PYROXD1: variants seen among roughly 807,000 people sequenced by gnomAD.
PYROXD1 encodes tRNA ligase complex-associated NAD(P)H dehydrogenase PYROXD1.
Under a neutral mutation model 62.0 loss-of-function variants are expected in PYROXD1, and 42 were observed. The observed-to-expected ratio is 0.68, with a 90% CI of 0.53 to 0.88. The LOEUF (loss-of-function observed/expected upper bound fraction) is 0.88. PYROXD1 is among the 40% of genes least tolerant of loss of function. PYROXD1 has a pLI of 0.00. For missense variants in PYROXD1, 493 were observed against 604.8 expected (o/e 0.82, Z 1.94); for synonymous variants, 170 against 206.4 (o/e 0.82, Z 1.51).
rs16923799 is a variant in PYROXD1 at position 21,449,238 on chromosome 12, T to A, written c.286-325T>A. Among the ~76,000 whole-genome samples the A allele has an allele frequency of 2.0e-4, 30 of 152,328 alleles. No homozygotes were observed. In the East Asian group the frequency reaches 5.4e-3, roughly 27 times the overall value. On this transcript the variant is annotated intron_variant, in intron 3 of 11. Coordinates refer to ENST00000240651, the MANE Select transcript of PYROXD1 (RefSeq NM_024854.5). ...TTTTGTTTTTAACGTGGGGTCAACATACCTTTTCAACCAACATGGGATTCC... is the reference window on the plus strand; with the variant it reads ...TTTTGTTTTTAACGTGGGGTCAACAAACCTTTTCAACCAACATGGGATTCC...
chr12:21,452,643 G>A (rs1336198892), intron 5 of PYROXD1, among the ~76,000 whole-genome samples: 2 of 151,870 alleles, frequency 1.3e-5, no homozygotes, highest in African/African-American at 4.8e-5. Flanking sequence ...TCTTTTTTTG[G>A]TAGCTTGGGA....
At chr12:21,456,444 G>C (rs1942598732) in intron 7 of PYROXD1, among the ~76,000 whole-genome samples, 1 of 152,150 alleles carries the variant, frequency 6.6e-6, no homozygotes, top group African/African-American at 2.4e-5. Context: ...GTTTCCCAGT[G>C]CCTGCAAAAG....
rs970580611 is a variant in PYROXD1, at chr12:21,446,588, A to G, written c.285+1122A>G. 1.2e-4 allele frequency among the ~76,000 whole-genome samples: 18 copies of G among 151,942 alleles called. No homozygotes were observed. The South Asian group carries it at 3.1e-3, about 26-fold the overall frequency. ...CAAGTGGCTAGTAGCCAACCAAACT[A>G]GAAGGTGGTTATGATAGTCAAAAAT... On this transcript the variant is annotated intron_variant, in intron 3 of 11. Coordinates refer to ENST00000240651, the MANE Select transcript of PYROXD1 (RefSeq NM_024854.5).
intron 10 of PYROXD1, among the ~76,000 whole-genome samples, chr12:21,466,021 T>C (rs1206135274): frequency 2.0e-5 from 3 of 152,144 alleles, no homozygotes; most frequent in Non-Finnish European, 4.4e-5. Flanking sequence ...GCTCGATTGG[T>C]CTATATCTCT....
intron 11 of PYROXD1, among the ~76,000 whole-genome samples, chr12:21,468,019 T>G (rs1942835069): frequency 2.0e-5 from 3 of 150,284 alleles, no homozygotes; most frequent in Non-Finnish European, 4.4e-5. Context: ...TGTTTTGGGT[T>G]TTTTTTTTTC....
chr12:21,438,125 C>T (rs959952250), intron 1 of PYROXD1: 4 of 351,158 alleles, frequency 1.1e-5, no homozygotes, highest in African/African-American at 8.5e-5. Context: ...AAAAATTCAG[C>T]CCCCTTTCTT....
At chr12:21,460,336 G>A (rs11046071) in intron 7 of PYROXD1, among the ~76,000 whole-genome samples, 87,670 of 151,572 alleles carry the variant, frequency 0.58, 25,524 homozygotes, top group Middle Eastern at 0.72. Flanking sequence ...GGATACGACA[G>A]TAAGTCAGAA....
Position 21,469,092 on chromosome 12 carries a change from T to C in PYROXD1, c.*338T>C, listed in dbSNP as rs1310710405. ...CTTAGCCAAATGTACTCTAGTAGAC[T>C]AGAACCATTCTTTGTGAAATGTCAA... On this transcript the variant is annotated 3_prime_UTR_variant, in exon 12 of 12. Transcript: ENST00000240651. The C allele has an allele frequency of 5.2e-6, 1 of 191,110 alleles. No homozygotes were observed. The highest frequency in any genetic ancestry group is 1.1e-5 in the Non-Finnish European group (1 of 91,912). 11.8% of individuals were successfully genotyped at this position (191,110 alleles called of 1,614,324 possible). A position where few individuals can be genotyped will look rare whatever the true frequency, so the allele number is the denominator to read the frequency against.
rs981967799 is a variant in PYROXD1 at position 21,452,029 on chromosome 12, A to T, written c.415-52A>T. ...ATATTATCGAAGCCTCATATTTCAG[A>T]TTATTGCCCACTATTACAAAATACT... On this transcript the variant is annotated intron_variant, in intron 4 of 11. Coordinates refer to ENST00000240651, the MANE Select transcript of PYROXD1 (RefSeq NM_024854.5). 28 of 1,061,366 alleles carry T rather than the reference A, an allele frequency of 2.6e-5. No individual in the cohort carries two copies. In the African/African-American group the frequency reaches 3.7e-4, roughly 14 times the overall value. The allele number at this position is 1,061,366 out of a possible 1,614,324, so 65.7% of individuals were successfully genotyped here. A position where few individuals can be genotyped will look rare whatever the true frequency, so the allele number is the denominator to read the frequency against.
chr12:21,469,683 G>A lies in PYROXD1; in HGVS notation c.*929G>A, dbSNP rs1942882375. The A allele has an allele frequency of 7.0e-6, 1 of 142,282 alleles. No individual in the cohort carries two copies. The highest frequency in any genetic ancestry group is 2.6e-5 in the African/African-American group (1 of 38,504). The allele number at this position is 142,282 out of a possible 1,614,324, so 8.8% of individuals were successfully genotyped here. A position where few individuals can be genotyped will look rare whatever the true frequency, so the allele number is the denominator to read the frequency against. ...TTTCTTAAAACATGAGATTTTTCTT[G>A]CAATTTTTTTTTTAAGCTCATCAGC... On this transcript the variant is annotated 3_prime_UTR_variant, in exon 12 of 12. Coordinates refer to ENST00000240651, the MANE Select transcript of PYROXD1 (RefSeq NM_024854.5).
chr12:21,456,943 A>G, intron 7 of PYROXD1: 1 of 440,040 alleles, frequency 2.3e-6, no homozygotes, highest in South Asian at 1.6e-5. Context: ...AGAAACAACA[A>G]CTCATCTTTT....
chr12:21,447,290 T>C (rs1942407929), intron 3 of PYROXD1, among the ~76,000 whole-genome samples: 1 of 152,124 alleles, frequency 6.6e-6, no homozygotes, highest in South Asian at 2.1e-4. Flanking sequence ...GTACTGAATT[T>C]TATCAGGAAA....
rs1311616786 is a variant in PYROXD1 at position 21,470,199 on chromosome 12, C to T, written c.*1445C>T. On this transcript the variant is annotated 3_prime_UTR_variant, in exon 12 of 12. Transcript: ENST00000240651. ...AAAATTTAGTAACATTCATATCAGG[C>T]ATCATCGATTTTTCTTTTCTTAGCT... 2 of 1,611,514 alleles carry T rather than the reference C, an allele frequency of 1.2e-6. No individual in the cohort carries two copies. The highest frequency in any genetic ancestry group is 1.7e-6 in the Non-Finnish European group (2 of 1,178,508).
chr12:21,464,087 G>C (rs1483362073), intron 10 of PYROXD1, among the ~76,000 whole-genome samples: 1 of 150,980 alleles, frequency 6.6e-6, no homozygotes, highest in African/African-American at 2.4e-5. Context: ...CTCATTCTAT[G>C]TCATTTCTGT....
At chr12:21,445,980 T>C (rs1394826063) in intron 3 of PYROXD1, among the ~76,000 whole-genome samples, 1 of 151,870 alleles carries the variant, frequency 6.6e-6, no homozygotes, top group Non-Finnish European at 1.5e-5. Context: ...GAAGGGGAGA[T>C]TGAATGTTCA....
intron 5 of PYROXD1, among the ~76,000 whole-genome samples, 158 bp downstream of exon 5, chr12:21,452,312 C>G (rs928487910): frequency 6.6e-6 from 1 of 151,880 alleles, no homozygotes; most frequent in African/African-American, 2.4e-5. Flanking sequence ...CATATGTTTT[C>G]AAGGGGAAAA....
At chr12:21,449,820 C>A in intron 4 of PYROXD1, 129 bp downstream of exon 4, 1 of 674,302 alleles carries the variant, frequency 1.5e-6, no homozygotes. Flanking sequence ...ACCAGTAAAC[C>A]ACAGAGTGGT....
chr12:21,452,751 C>T lies in PYROXD1; in HGVS notation c.488+597C>T, dbSNP rs186118650. Reference sequence around the variant, plus strand: ...CTGTGTCCTGCAGAAGATTGATTCACTTCATGATTTTATCCTCTAGCAGAT... The same window carrying T: ...CTGTGTCCTGCAGAAGATTGATTCATTTCATGATTTTATCCTCTAGCAGAT... On this transcript the variant is annotated intron_variant, in intron 5 of 11. Transcript: ENST00000240651. 3.4e-3 allele frequency among the ~76,000 whole-genome samples: 519 copies of T among 152,216 alleles called. 3 individuals are homozygous for T. The highest frequency in any genetic ancestry group is 0.012 in the African/African-American group (492 of 41,554).
rs1004442998 is a variant in PYROXD1 at position 21,469,374 on chromosome 12, AT to A, written c.*633del. The A allele has an allele frequency of 8.5e-3, 1,243 of 145,464 alleles. 11 individuals are homozygous for A. Among genetic ancestry groups the A allele is most frequent in the African/African-American group, 0.023 (900 of 39,898 alleles). 9.0% of individuals were successfully genotyped at this position (145,464 alleles called of 1,614,324 possible). On this transcript the variant is annotated 3_prime_UTR_variant, in exon 12 of 12. Transcript: ENST00000240651. ...CTTAAAACATGAGATTTTTCTTGCA[AT>A]TTTTTTTTTTTTAAGCTCATCAGCT...
Sources: gnomAD v4.1 joint callset for allele counts (sites outside exome capture counted in the v4.1 genomes callset) on GRCh38, gnomAD v4.1.1 for gene constraint, MANE v1.5 for transcripts, NCBI Gene and HGNC (gene_info 2026-07-23, HGNC 2026-07-21) for gene names.